The following PPP2R2A variants were observed in gnomAD, a reference collection of about 807,000 sequenced individuals.
PPP2R2A encodes the protein serine/threonine-protein phosphatase 2A 55 kDa regulatory subunit B alpha isoform.
A neutral mutation model predicts 53.2 loss-of-function variants in PPP2R2A; 9 were observed. That is an observed-to-expected ratio of 0.17 (90% CI 0.10 to 0.30). The LOEUF is 0.30. Among genes scored for constraint, PPP2R2A ranks in the 10% least tolerant of loss-of-function variants. The pLI is 1.00. For missense variants in PPP2R2A, 235 were observed against 534.6 expected (o/e 0.44, Z 5.53); for synonymous variants, 169 against 174.2 (o/e 0.97, Z 0.23).
At chr8:26,316,313 A>G (rs759154529) in intron 2 of PPP2R2A, among the ~76,000 whole-genome samples, 3 of 152,154 alleles carry the variant, frequency 2.0e-5, no homozygotes, top group Non-Finnish European at 2.9e-5. Flanking sequence ...CAGCTTGTGT[A>G]CTGTTTTTAA....
Position 26,360,963 on chromosome 8 carries a change from C to G in PPP2R2A, c.460-11C>G. 6.3e-7 allele frequency: 1 copy of G among 1,579,566 alleles called. No individual in the cohort carries two copies. The highest frequency in any genetic ancestry group is 1.2e-5 in the South Asian group (1 of 83,656). ...TTTGTAATTTCTGTTTTTCATGTGT[C>G]TTATTGACAGGTGCCAGTCTTTAGG... is the stretch of plus-strand genomic sequence containing the variant. On this transcript the variant is annotated splice_polypyrimidine_tract_variant and intron_variant, in intron 5 of 9. Transcript: ENST00000380737. The surrounding 1 kb of genome is among the most constrained non-coding windows in gnomAD (Gnocchi z 4.5).
intron 2 of PPP2R2A, among the ~76,000 whole-genome samples, chr8:26,295,884 G>A (rs142957478): frequency 6.6e-6 from 1 of 152,240 alleles, no homozygotes; most frequent in East Asian, 1.9e-4. Flanking sequence ...CTTTTCTGAA[G>A]TAAAATAAGG....
intron 2 of PPP2R2A, among the ~76,000 whole-genome samples, chr8:26,316,548 T>C (rs549751077): frequency 3.3e-5 from 5 of 152,330 alleles, no homozygotes; most frequent in African/African-American, 1.2e-4. Flanking sequence ...TTAACACATA[T>C]ATTTGTCTTA....
At chr8:26,293,353 T>C in intron 1 of PPP2R2A, 11 of 1,347,890 alleles carry the variant, frequency 8.2e-6, no homozygotes, top group Non-Finnish European at 1.0e-5. Context: ...CTCTTGGTAT[T>C]TACTTTTTTT....
intron 2 of PPP2R2A, among the ~76,000 whole-genome samples, chr8:26,323,285 A>G (rs767384901): frequency 2.0e-5 from 3 of 152,234 alleles, no homozygotes; most frequent in Non-Finnish European, 4.4e-5. Flanking sequence ...TTCTTGCACA[A>G]CACTTCTGAT....
chr8:26,370,622 T>G lies in PPP2R2A; in HGVS notation c.*209T>G. 1.6e-6 allele frequency: 1 copy of G among 615,532 alleles called. No homozygotes were observed. Among genetic ancestry groups the G allele is most frequent in the Non-Finnish European group, 2.8e-6 (1 of 357,284 alleles). The allele number at this position is 615,532 out of a possible 1,614,324, so 38.1% of individuals were successfully genotyped here. On this transcript the variant is annotated 3_prime_UTR_variant, in exon 10 of 10. Coordinates refer to ENST00000380737, the MANE Select transcript of PPP2R2A (RefSeq NM_002717.4). The surrounding 1 kb of genome is among the most constrained non-coding windows in gnomAD (Gnocchi z 6.1). ...TCTCCATGTCTGCTAGCCATTTAGG[T>G]AAGGGTAGGGCACTTTTAATTTAAA...
chr8:26,338,790 T>A lies in PPP2R2A; in HGVS notation c.83-100T>A. 1 of 714,858 alleles carries A rather than the reference T, an allele frequency of 1.4e-6. No homozygotes were observed. The highest frequency in any genetic ancestry group is 2.3e-6 in the Non-Finnish European group (1 of 428,104). The allele number at this position is 714,858 out of a possible 1,614,324, so 44.3% of individuals were successfully genotyped here. The stretch of plus-strand genomic sequence containing the variant: ...GGTTGATGTACTTCAAAGATATACT[T>A]CATAGACTTGGAATGTTTGGGAAAA... On this transcript the variant is annotated intron_variant, in intron 2 of 9. Transcript: ENST00000380737. The surrounding 1 kb of genome is among the most constrained non-coding windows in gnomAD (Gnocchi z 4.5).
At position 26,294,533 on chromosome 8, in the gene PPP2R2A, T is replaced by TA. The variant is rs573828789; in HGVS notation, c.82+793_82+794insA. Reference sequence around the variant, plus strand: ...GCATTGTTTCATTCCTGAGAAATGTTGAAGTTTGAGTTTTAATGGTATTGT... The same window carrying TA: ...GCATTGTTTCATTCCTGAGAAATGTTAGAAGTTTGAGTTTTAATGGTATTGT... On this transcript the variant is annotated intron_variant, in intron 2 of 9. Coordinates refer to ENST00000380737, the MANE Select transcript of PPP2R2A (RefSeq NM_002717.4). 2.6e-3 allele frequency among the ~76,000 whole-genome samples: 393 copies of TA among 152,334 alleles called. 2 individuals are homozygous for TA. The highest frequency in any genetic ancestry group is 4.3e-3 in the Non-Finnish European group (290 of 68,020).
chr8:26,368,369 T>G (rs1805488048), intron 9 of PPP2R2A, among the ~76,000 whole-genome samples: 2 of 152,178 alleles, frequency 1.3e-5, no homozygotes, highest in Non-Finnish European at 2.9e-5. Flanking sequence ...TTTGAACCAT[T>G]GGTAAGCAGC....
intron 2 of PPP2R2A, among the ~76,000 whole-genome samples, chr8:26,306,949 A>G (rs1217701277): frequency 6.6e-6 from 1 of 152,226 alleles, no homozygotes; most frequent in East Asian, 1.9e-4. Flanking sequence ...TTTCTTATAT[A>G]TCATTCCAGA....
rs900396657 is a variant in PPP2R2A at position 26,362,302 on chromosome 8, C to T, written c.638-382C>T. 3.3e-5 allele frequency among the ~76,000 whole-genome samples: 5 copies of T among 150,084 alleles called. No homozygotes were observed. In the East Asian group the frequency reaches 9.8e-4, roughly 29 times the overall value. ...ATGAGGTCAGGAGGTCGAGACCAGC[C>T]TGGCCAACATAGTGAAACCCCGTCT... On this transcript the variant is annotated intron_variant, in intron 6 of 9. Coordinates refer to ENST00000380737, the MANE Select transcript of PPP2R2A (RefSeq NM_002717.4). The surrounding 1 kb of genome is among the most constrained non-coding windows in gnomAD (Gnocchi z 4.4).
chr8:26,326,901 C>T (rs1438850221), intron 2 of PPP2R2A, among the ~76,000 whole-genome samples: 1 of 152,186 alleles, frequency 6.6e-6, no homozygotes, highest in Admixed American at 6.5e-5. Flanking sequence ...TAAAAAACCA[C>T]ACCTATAGAC....
At chr8:26,359,558 C>G (rs879758790) in intron 4 of PPP2R2A, among the ~76,000 whole-genome samples, 14 of 152,068 alleles carry the variant, frequency 9.2e-5, no homozygotes, top group Non-Finnish European at 1.6e-4. Context: ...AATTTGGTTT[C>G]TTCTTGAAGG....
chr8:26,336,961 G>A (rs1052083173), intron 2 of PPP2R2A, among the ~76,000 whole-genome samples: 1 of 151,728 alleles, frequency 6.6e-6, no homozygotes, highest in Non-Finnish European at 1.5e-5. Flanking sequence ...GGCTAGTCAC[G>A]CCATGGTCCT....
intron 3 of PPP2R2A, among the ~76,000 whole-genome samples, chr8:26,342,746 T>A (rs1804005265): frequency 2.0e-5 from 3 of 152,232 alleles, no homozygotes; most frequent in Admixed American, 2.0e-4. Context: ...TGGCTTTTTT[T>A]ATTCTTAATG....
Position 26,363,733 on chromosome 8 carries a change from C to G in PPP2R2A, c.815C>G (p.Pro272Arg), listed in dbSNP as rs759766590. 2 of 1,589,270 alleles carry G rather than the reference C, an allele frequency of 1.3e-6. No homozygotes were observed. Among genetic ancestry groups the G allele is most frequent in the South Asian group, 1.1e-5 (1 of 87,264 alleles). ...GTTTTGTTTTTAGTGTTTGAAGAAC[C>G]TGAAGATCCCAGTAACAGGTCATTT... The part of the protein sequence containing the change: ...CDRHSKLFEE[P>R]EDPSNRSFFS... The change falls in exon 8 of 10, where the codon CCT becomes CGT. Residue 272 changes from proline (P) to arginine (R), a missense_variant. Pro to Arg is a moderately radical substitution (Grantham distance 103). Coordinates refer to ENST00000380737, the MANE Select transcript of PPP2R2A (RefSeq NM_002717.4).
intron 2 of PPP2R2A, among the ~76,000 whole-genome samples, chr8:26,294,721 AT>A (rs1197024913): frequency 3.3e-5 from 5 of 151,352 alleles, no homozygotes; most frequent in Non-Finnish European, 5.9e-5. Context: ...TGTTCTGGAG[AT>A]TTTTTTTCAG....
chr8:26,354,727 T>C lies in PPP2R2A; in HGVS notation c.346+94T>C. On this transcript the variant is annotated intron_variant, in intron 4 of 9. Coordinates refer to ENST00000380737, the MANE Select transcript of PPP2R2A (RefSeq NM_002717.4). The surrounding 1 kb of genome is among the most constrained non-coding windows in gnomAD (Gnocchi z 4.6). ...AGAGGAATCATTTAACAGAGATACTTGTAAAAAGGACTTTTGTTTTTCTAT... is the reference window on the plus strand; with the variant it reads ...AGAGGAATCATTTAACAGAGATACTCGTAAAAAGGACTTTTGTTTTTCTAT... 8.5e-7 allele frequency: 1 copy of C among 1,181,198 alleles called. No individual in the cohort carries two copies. Among genetic ancestry groups the C allele is most frequent in the Non-Finnish European group, 1.1e-6 (1 of 898,092 alleles). 73.2% of individuals were successfully genotyped at this position (1,181,198 alleles called of 1,614,324 possible). A position where few individuals can be genotyped will look rare whatever the true frequency, so the allele number is the denominator to read the frequency against.
Position 26,321,595 on chromosome 8 carries a change from G to A in PPP2R2A, c.83-17295G>A, listed in dbSNP as rs1321810524. ...GAGGGAAGCCAGCTACCATGTTTGTGTGGTTCCCTGTGGAGCTCACATGTC... is the reference window on the plus strand; with the variant it reads ...GAGGGAAGCCAGCTACCATGTTTGTATGGTTCCCTGTGGAGCTCACATGTC... On this transcript the variant is annotated intron_variant, in intron 2 of 9. Transcript: ENST00000380737. The surrounding 1 kb of genome is among the most constrained non-coding windows in gnomAD (Gnocchi z 4.1). Among the ~76,000 whole-genome samples, 1 of 152,198 alleles carries A rather than the reference G, an allele frequency of 6.6e-6. No homozygotes were observed. The highest frequency in any genetic ancestry group is 1.5e-5 in the Non-Finnish European group (1 of 68,034).
Sources: gnomAD v4.1 joint callset for allele counts (sites outside exome capture counted in the v4.1 genomes callset) on GRCh38, gnomAD v4.1.1 for gene constraint, Gnocchi (gnomAD v3.1) non-coding constraint, MANE v1.5 for transcripts, NCBI Gene and HGNC (gene_info 2026-07-23, HGNC 2026-07-21) for gene names.